The following PDZRN3 variants were observed in gnomAD, a reference collection of about 807,000 sequenced individuals.
The protein encoded by PDZRN3 is E3 ubiquitin-protein ligase PDZRN3.
PDZRN3 carries 38 observed loss-of-function variants against 85.7 expected under a neutral mutation model. The ratio of observed to expected loss-of-function variants is 0.44; its 90% confidence interval spans 0.34 to 0.58. PDZRN3 has a LOEUF of 0.58. Ranked by LOEUF, PDZRN3 falls within the 20% of genes least tolerant of loss-of-function variation. PDZRN3 has a pLI of 0.01. For synonymous variants in PDZRN3, 759 were observed against 638.0 expected (o/e 1.19, Z -2.86); for missense variants, 1,629 against 1,506.4 (o/e 1.08, Z -1.35).
chr3:73,487,664 T>C (rs1703689913), intron 3 of PDZRN3, among the ~76,000 whole-genome samples: 2 of 152,210 alleles, frequency 1.3e-5, no homozygotes, highest in Admixed American at 1.3e-4. Flanking sequence ...ATATGCCCCA[T>C]TAAATAGCCA....
intron 3 of PDZRN3, among the ~76,000 whole-genome samples, chr3:73,544,413 T>TA (rs1701370562): frequency 6.6e-6 from 1 of 152,178 alleles, no homozygotes; most frequent in African/African-American, 2.4e-5. Flanking sequence ...ATTAAGCCTT[T>TA]AAAAGAGTGG....
intron 3 of PDZRN3, among the ~76,000 whole-genome samples, chr3:73,448,216 A>AT (rs1702788785): frequency 6.6e-6 from 1 of 152,180 alleles, no homozygotes; most frequent in Admixed American, 6.5e-5. Context: ...AGCACATGCC[A>AT]TTGTGACCTG....
intron 3 of PDZRN3, among the ~76,000 whole-genome samples, chr3:73,502,853 C>CA (rs1704007422): frequency 6.6e-6 from 1 of 152,270 alleles, no homozygotes; most frequent in South Asian, 2.1e-4. Flanking sequence ...AACGAATGAT[C>CA]AAGACGTGGT....
intron 3 of PDZRN3, among the ~76,000 whole-genome samples, chr3:73,593,132 C>G (rs1210913453): frequency 6.6e-6 from 1 of 150,880 alleles, no homozygotes; most frequent in Non-Finnish European, 1.5e-5. Flanking sequence ...CTCTCAAAAC[C>G]CCCATATTTA....
chr3:73,435,028 C>T (rs7653141), intron 3 of PDZRN3, among the ~76,000 whole-genome samples: 11,943 of 152,176 alleles, frequency 0.078, 1,573 homozygotes, highest in African/African-American at 0.27. Context: ...CACCATTTTA[C>T]AAAGGTTTCA....
At chr3:73,554,438 T>C (rs1192709985) in intron 3 of PDZRN3, among the ~76,000 whole-genome samples, 5 of 152,092 alleles carry the variant, frequency 3.3e-5, no homozygotes, top group East Asian at 1.9e-4. Context: ...AAGTGTCCGC[T>C]TGCTGCTGTC....
intron 3 of PDZRN3, among the ~76,000 whole-genome samples, chr3:73,536,610 A>T (rs1704793095): frequency 6.6e-6 from 1 of 152,236 alleles, no homozygotes; most frequent in South Asian, 2.1e-4. Context: ...TTATTTTAAG[A>T]AACAAAGGCT....
intron 3 of PDZRN3, among the ~76,000 whole-genome samples, chr3:73,543,433 A>G (rs527565191): frequency 1.1e-3 from 161 of 152,372 alleles, no homozygotes; most frequent in Non-Finnish European, 1.8e-3. Context: ...GAGTCTTAAC[A>G]TTGAAAAGAA....
intron 2 of PDZRN3, among the ~76,000 whole-genome samples, chr3:73,607,840 A>G (rs1019545164): frequency 6.6e-6 from 1 of 152,170 alleles, no homozygotes; most frequent in African/African-American, 2.4e-5. Flanking sequence ...CAAACAGCCT[A>G]TGTTCAATAC....
intron 3 of PDZRN3, among the ~76,000 whole-genome samples, chr3:73,521,972 C>T (rs1385456821): frequency 1.3e-5 from 2 of 152,126 alleles, no homozygotes; most frequent in Non-Finnish European, 2.9e-5. Flanking sequence ...CAAATCTGGC[C>T]CATGGGCTGT....
chr3:73,490,916 A>G (rs1210606325), intron 3 of PDZRN3, among the ~76,000 whole-genome samples: 2 of 152,228 alleles, frequency 1.3e-5, no homozygotes, highest in East Asian at 3.9e-4. Context: ...CAGGCACAGC[A>G]GTCCTTCAAC....
In PDZRN3 at chr3:73,551,155, T is replaced by C. The variant is rs145575217; in HGVS notation, c.918+51199A>G. ...GGTGTAATATTGCCAATTTTTAATTTAGGTTTAATTTTGTCACTCCTGTTG... is the reference window on the plus strand; with the variant it reads ...GGTGTAATATTGCCAATTTTTAATTCAGGTTTAATTTTGTCACTCCTGTTG... On this transcript the variant is annotated intron_variant, in intron 3 of 9. Transcript: ENST00000263666. 4.3e-4 allele frequency among the ~76,000 whole-genome samples: 66 copies of C among 152,340 alleles called. 2 individuals carry two copies. In the East Asian group the frequency reaches 0.012, roughly 28 times the overall value.
Position 73,441,304 on chromosome 3 carries a change from T to C in PDZRN3, c.919-36909A>G, listed in dbSNP as rs565345871. ...GGAGCATGCCTGTAATCCCAGCTAGTGGGGAGGCTGAGGCAGGAGAATCAC... is the reference window on the plus strand; with the variant it reads ...GGAGCATGCCTGTAATCCCAGCTAGCGGGGAGGCTGAGGCAGGAGAATCAC... On this transcript the variant is annotated intron_variant, in intron 3 of 9. Coordinates refer to ENST00000263666, the MANE Select transcript of PDZRN3 (RefSeq NM_015009.3). Among the ~76,000 whole-genome samples, 3 of 136,828 alleles carry C rather than the reference T, an allele frequency of 2.2e-5. No individual in the cohort carries two copies. The South Asian group carries it at 7.1e-4, about 32-fold the overall frequency. The allele number at this position is 136,828 out of a possible 152,430, so 89.8% of individuals were successfully genotyped here. A position where few individuals can be genotyped will look rare whatever the true frequency, so the allele number is the denominator to read the frequency against.
chr3:73,459,258 C>T (rs1418828855), intron 3 of PDZRN3, among the ~76,000 whole-genome samples: 1 of 152,168 alleles, frequency 6.6e-6, no homozygotes, highest in Non-Finnish European at 1.5e-5. Flanking sequence ...AGGTCCCTCC[C>T]ATAACACATG....
In PDZRN3 at chr3:73,391,018, C is replaced by T. The variant is rs1173457075; in HGVS notation, c.1353G>A (p.Glu451=). The T allele has an allele frequency of 6.2e-7, 1 of 1,604,346 alleles. No individual in the cohort carries two copies. The highest frequency in any genetic ancestry group is 8.5e-7 in the Non-Finnish European group (1 of 1,171,608). ...DEDDIGIYIS[E]IDPNSIAAKD... ...AGAAAAACAAAATCAGCCTTTGTAC[C>T]TCACTGATATAAATCCCAATGTCGT... The change falls in exon 6 of 10, where the codon GAG becomes GAA. Residue 451 remains glutamate (E), a splice_region_variant and synonymous_variant. Transcript: ENST00000263666.
At chr3:73,503,634 T>C (rs773282981) in intron 3 of PDZRN3, among the ~76,000 whole-genome samples, 3 of 152,244 alleles carry the variant, frequency 2.0e-5, no homozygotes, top group African/African-American at 4.8e-5. Flanking sequence ...CTTTTCCCTA[T>C]GTACTTTGCA....
chr3:73,449,640 A>G (rs1702819580), intron 3 of PDZRN3, among the ~76,000 whole-genome samples: 1 of 152,244 alleles, frequency 6.6e-6, no homozygotes, highest in Non-Finnish European at 1.5e-5. Flanking sequence ...AAAATTACAT[A>G]GCATTCGGTA....
intron 3 of PDZRN3, among the ~76,000 whole-genome samples, chr3:73,420,126 A>T (rs1047500123): frequency 6.6e-6 from 1 of 152,224 alleles, no homozygotes; most frequent in African/African-American, 2.4e-5. Flanking sequence ...AAGTATTATC[A>T]GTGAAATGCT....
intron 3 of PDZRN3, among the ~76,000 whole-genome samples, chr3:73,475,722 A>G (rs1003872428): frequency 6.6e-6 from 1 of 151,908 alleles, no homozygotes; most frequent in Non-Finnish European, 1.5e-5. Context: ...AGGGGTTGCT[A>G]TATACTTTTA....
Sources: allele counts gnomAD v4.1 joint callset (sites outside exome capture counted in the v4.1 genomes callset), GRCh38; gene constraint gnomAD v4.1.1; transcripts MANE v1.5; gene names NCBI Gene and HGNC (gene_info 2026-07-23, HGNC 2026-07-21).